Variants in ZNF512B observed in about 807,000 individuals in gnomAD.
ZNF512B encodes zinc finger protein 512B.
A neutral mutation model predicts 87.8 loss-of-function variants in ZNF512B; 22 were observed. The observed-to-expected ratio is 0.25, with a 90% CI of 0.18 to 0.36. The LOEUF is 0.36. ZNF512B is among the 10% of genes least tolerant of loss of function. The pLI, the probability that ZNF512B is intolerant of heterozygous loss-of-function variation, is 1.00. For missense variants in ZNF512B, 1,060 were observed against 1,231.6 expected (o/e 0.86, Z 2.09); for synonymous variants, 524 against 490.9 (o/e 1.07, Z -0.89).
chr20:63,960,309 A>G (rs1049719982), intron 16 of ZNF512B, among the ~76,000 whole-genome samples, 170 bp from the exon 17 acceptor site: 1 of 150,690 alleles, frequency 6.6e-6, no homozygotes, highest in African/African-American at 2.5e-5. Context: ...GGGGCTGAAC[A>G]CAGCCTTCGG....
chr20:63,962,163 G>T, intron 14 of ZNF512B, 110 bp downstream of exon 14: 1 of 1,331,936 alleles, frequency 7.5e-7, no homozygotes, highest in Non-Finnish European at 1.0e-6. Context: ...CCTGGGGTGG[G>T]CTTGGGCACC....
At position 63,967,893 on chromosome 20, in the gene ZNF512B, G is replaced by T. The variant is rs755043451; in HGVS notation, c.58C>A (p.Pro20Thr). ...TCCTTTCGGCTGCCATCCTTCCCGGGACCACTCTTGCTGGACCCCGGGAGC... is the reference window on the plus strand; with the variant it reads ...TCCTTTCGGCTGCCATCCTTCCCGGTACCACTCTTGCTGGACCCCGGGAGC... ...RRLPGSSKSGPGKDGSRKEVR... is the reference protein window; with the variant it reads ...RRLPGSSKSGTGKDGSRKEVR... Residue 20 changes from proline to threonine, a missense_variant, in exon 2 of 17, where the codon CCC becomes ACC. Pro to Thr is a conservative substitution (Grantham distance 38). Transcript: ENST00000369888. The T allele has an allele frequency of 6.2e-7, 1 of 1,613,198 alleles. No homozygotes were observed. The highest frequency in any genetic ancestry group is 1.1e-5 in the South Asian group (1 of 91,078).
chr20:63,964,895 G>A (rs1222144371), intron 5 of ZNF512B, among the ~76,000 whole-genome samples, 179 bp from the exon 6 acceptor site: 1 of 70,992 alleles, frequency 1.4e-5, no homozygotes, highest in African/African-American at 8.3e-5. Context: ...GACCTGGGAC[G>A]AGCCCCCATA....
At chr20:63,967,973 C>G in intron 1 of ZNF512B, 21 bp from the exon 2 acceptor site, 2 of 1,589,472 alleles carry the variant, frequency 1.3e-6, no homozygotes, top group Non-Finnish European at 1.7e-6. Context: ...AGTAGACAAT[C>G]TGTGAAGCCT....
chr20:63,962,732 C>G lies in ZNF512B; in HGVS notation c.2018G>C (p.Gly673Ala). Residue 673 changes from glycine to alanine, a missense_variant, in exon 13 of 17, where the codon GGT becomes GCT. Transcript: ENST00000369888. ...DKSPEAEDPL[G>A]VERTPSGRVR... The stretch of plus-strand genomic sequence containing the variant: ...ACGCCCGCTTGGGGTCCGCTCCACA[C>G]CCAGCGGGTCCTCAGCCTCAGGGGA... The G allele has an allele frequency of 6.2e-7, 1 of 1,603,042 alleles. No individual in the cohort carries two copies. The highest frequency in any genetic ancestry group is 8.5e-7 in the Non-Finnish European group (1 of 1,176,116).
chr20:63,959,533 C>T lies in ZNF512B; in HGVS notation c.*355G>A, dbSNP rs924540396. 3 of 281,010 alleles carry T rather than the reference C, an allele frequency of 1.1e-5. No individual in the cohort carries two copies. The highest frequency in any genetic ancestry group is 2.3e-4 in the South Asian group (2 of 8,666). The allele number at this position is 281,010 out of a possible 1,614,324, so 17.4% of individuals were successfully genotyped here. ...CCTTGGGGTAGCCAGGGAAGGGACC[C>T]GGCAGGGCCTGAGGAAGCGGAGCCG... is the stretch of plus-strand genomic sequence containing the variant. On this transcript the variant is annotated 3_prime_UTR_variant, in exon 17 of 17. Coordinates refer to ENST00000369888, the MANE Select transcript of ZNF512B (RefSeq NM_020713.3).
rs965433520 is a variant in ZNF512B at position 63,967,910 on chromosome 20, C to G, written c.41G>C (p.Gly14Ala). 1 of 1,612,614 alleles carries G rather than the reference C, an allele frequency of 6.2e-7. No individual in the cohort carries two copies. The highest frequency in any genetic ancestry group is 1.1e-5 in the South Asian group (1 of 91,078). ...PFCVGGRRLP[G>A]SSKSGPGKDG... ...CTTCCCGGGACCACTCTTGCTGGAC[C>G]CCGGGAGCCGACGGCCTCCAACGCA... The change falls in exon 2 of 17, where the codon GGG (glycine) becomes GCG (alanine). Residue 14 changes from glycine (G) to alanine (A), a missense_variant. Coordinates refer to ENST00000369888, the MANE Select transcript of ZNF512B (RefSeq NM_020713.3).
At chr20:63,968,360 C>T (rs569945251) in intron 1 of ZNF512B, among the ~76,000 whole-genome samples, 2 of 152,300 alleles carry the variant, frequency 1.3e-5, no homozygotes, top group East Asian at 1.9e-4. Context: ...AGGTGCCTTG[C>T]GCAGGAGGAA....
rs540039560 is a variant in ZNF512B, at chr20:63,966,155, G to T, written c.1020C>A (p.Asn340Lys). The change falls in exon 5 of 17, where the codon AAC (asparagine) becomes AAA (lysine). Residue 340 changes from asparagine to lysine, a missense_variant. By Grantham distance (94) the Asn-to-Lys change is moderately conservative. This residue lies in a region of ZNF512B where 12 missense variants were observed against 32.0 expected (regional missense o/e 0.38). Transcript: ENST00000369888. Reference sequence around the variant, plus strand: ...AGCCCCCATACCTTTTCTTACCACTGTTCCTCCCTGTGGCACGAGGTGCTT... The same window carrying T: ...AGCCCCCATACCTTTTCTTACCACTTTTCCTCCCTGTGGCACGAGGTGCTT... ...ENKAPRATGR[N>K]SGKKRAADSL... 1 of 1,602,320 alleles carries T rather than the reference G, an allele frequency of 6.2e-7. No individual in the cohort carries two copies. The highest frequency in any genetic ancestry group is 1.1e-5 in the South Asian group (1 of 90,534).
At chr20:63,962,810 A>G in intron 12 of ZNF512B, 29 bp from the exon 13 acceptor site, 1 of 1,561,676 alleles carries the variant, frequency 6.4e-7, no homozygotes, top group South Asian at 1.2e-5. Context: ...TGGAGGCTAG[A>G]GTGAGCCGCG....
rs1349591579 is a variant in ZNF512B, at chr20:63,966,304, T to G, written c.871A>C (p.Thr291Pro). ...GGCCTGCTGACTGTCACTGGCTTGG[T>G]GACCGGCACGGGTTTCGTAACTGTC... ...LVTVTKPVPV[T>P]KPVTVSRPIV... The change falls in exon 5 of 17, where the codon ACC (threonine) becomes CCC (proline). Residue 291 changes from threonine (T) to proline (P), a missense_variant. Thr to Pro is a conservative substitution (Grantham distance 38, BLOSUM62 -1). Transcript: ENST00000369888. The G allele has an allele frequency of 6.3e-7, 1 of 1,594,294 alleles. No individual in the cohort carries two copies. Among genetic ancestry groups the G allele is most frequent in the Non-Finnish European group, 8.6e-7 (1 of 1,166,268 alleles).
Position 63,960,098 on chromosome 20 carries a change from C to T in ZNF512B, c.2469G>A (p.Arg823=), listed in dbSNP as rs1379210283. The T allele has an allele frequency of 6.2e-6, 10 of 1,613,826 alleles. No homozygotes were observed. The highest frequency in any genetic ancestry group is 1.3e-5 in the African/African-American group (1 of 74,942). The change falls in exon 17 of 17, where the codon AGG becomes AGA. Residue 823 remains arginine, a synonymous_variant. Transcript: ENST00000369888. ...RTSADPPPKH[R]SQDSLVPKKE... ...TCTTGGGCACCAATGAGTCCTGGCT[C>T]CTGTGTTTGGGAGGTGGGTCTGCTG...
At position 63,958,564 on chromosome 20, in the gene ZNF512B, C is replaced by G. The variant is rs149841514; in HGVS notation, c.*1324G>C. On this transcript the variant is annotated 3_prime_UTR_variant, in exon 17 of 17. Transcript: ENST00000369888. ...AAATGGCCTCCCTCCAAACCTACCC[C>G]CTCTGAGCCTCATCCTCCCTGCAAT... The G allele has an allele frequency of 1.3e-5, 2 of 152,228 alleles. No individual in the cohort carries two copies. Among genetic ancestry groups the G allele is most frequent in the African/African-American group, 2.4e-5 (1 of 41,506 alleles). The allele number at this position is 152,228 out of a possible 1,614,324, so 9.4% of individuals were successfully genotyped here.
rs1243675560 is a variant in ZNF512B, at chr20:63,961,907, G to C, written c.2328+35C>G. The C allele has an allele frequency of 1.6e-5, 25 of 1,549,484 alleles. No individual in the cohort carries two copies. The highest frequency in any genetic ancestry group is 2.0e-5 in the Non-Finnish European group (23 of 1,145,786). On this transcript the variant is annotated intron_variant, in intron 15 of 16. Coordinates refer to ENST00000369888, the MANE Select transcript of ZNF512B (RefSeq NM_020713.3). This position sits in a 1 kb window ranked among gnomAD's most constrained non-coding sequence, Gnocchi z 6.4. ...GGGTGAGCTGGGAGCTCTGAGTGCA[G>C]CGCACCTGGCCGTGGGGCAGGCCCC...
In ZNF512B at chr20:63,961,083, G is replaced by A. The variant is rs770870780; in HGVS notation, c.2427+226C>T. On this transcript the variant is annotated intron_variant, in intron 16 of 16. Transcript: ENST00000369888. This position sits in a 1 kb window ranked among gnomAD's most constrained non-coding sequence, Gnocchi z 6.4. ...CAGGGCTGCTGGGGGCTGGAAAGGC[G>A]GACACCCCGAGGGCAGCTCCAGCTC... Among the ~76,000 whole-genome samples, 5 of 152,166 alleles carry A rather than the reference G, an allele frequency of 3.3e-5. No homozygotes were observed. The highest frequency in any genetic ancestry group is 4.4e-5 in the Non-Finnish European group (3 of 67,992).
chr20:63,961,820 G>T lies in ZNF512B; in HGVS notation c.2328+122C>A. The T allele has an allele frequency of 9.7e-7, 1 of 1,030,652 alleles. No homozygotes were observed. Among genetic ancestry groups the T allele is most frequent in the Non-Finnish European group, 1.4e-6 (1 of 693,314 alleles). The allele number at this position is 1,030,652 out of a possible 1,614,324, so 63.8% of individuals were successfully genotyped here. A position where few individuals can be genotyped will look rare whatever the true frequency, so the allele number is the denominator to read the frequency against. ...AGTCTCTGGGTTCGTGGAAGAGGAG[G>T]CCACGTAGAAAAAGTAGGGGACAAG... On this transcript the variant is annotated intron_variant, in intron 15 of 16. Transcript: ENST00000369888. The surrounding 1 kb of genome is among the most constrained non-coding windows in gnomAD (Gnocchi z 6.4).
In ZNF512B at chr20:63,959,904, T is replaced by C. The variant is rs760765400; in HGVS notation, c.2663A>G (p.Lys888Arg). Residue 888 changes from lysine (K) to arginine (R), a missense_variant, in exon 17 of 17, where the codon AAG becomes AGG. This residue lies in a region of ZNF512B where 253 missense variants were observed against 259.2 expected (regional missense o/e 0.98). Transcript: ENST00000369888. ...GSTGRKVGVS[K>R]APEK ...GCACCATGCTCACTTTTCAGGCGCCTTGCTGACTCCCACCTTCCGGCCGGT... is the reference window on the plus strand; with the variant it reads ...GCACCATGCTCACTTTTCAGGCGCCCTGCTGACTCCCACCTTCCGGCCGGT... The C allele has an allele frequency of 2.2e-5, 35 of 1,594,556 alleles. No individual in the cohort carries two copies. Among genetic ancestry groups the C allele is most frequent in the Admixed American group, 3.5e-5 (2 of 57,714 alleles).
chr20:63,964,384 T>G lies in ZNF512B; in HGVS notation c.1269A>C (p.Lys423Asn). The G allele has an allele frequency of 6.2e-7, 1 of 1,613,810 alleles. No homozygotes were observed. The highest frequency in any genetic ancestry group is 8.5e-7 in the Non-Finnish European group (1 of 1,179,894). ...EDPERTKHRRKQKTPKKFTGE... is the reference protein window; with the variant it reads ...EDPERTKHRRNQKTPKKFTGE... ...CTGTAAACTTTTTGGGTGTTTTCTG[T>G]TTCCTTCCTGACTCGGGGAGAGAAA... The change falls in exon 7 of 17, where the codon AAA (lysine) becomes AAC (asparagine). Residue 423 changes from lysine (K) to asparagine (N), a missense_variant. Coordinates refer to ENST00000369888, the MANE Select transcript of ZNF512B (RefSeq NM_020713.3).
At chr20:63,967,752 C>A in intron 2 of ZNF512B, 78 bp downstream of exon 2, 1 of 1,560,680 alleles carries the variant, frequency 6.4e-7, no homozygotes, top group Admixed American at 1.7e-5. Flanking sequence ...GGAGACAGGA[C>A]GCCCAGGGCA....
Sources: allele counts gnomAD v4.1 joint callset (sites outside exome capture counted in the v4.1 genomes callset), GRCh38; gene constraint gnomAD v4.1.1; regional missense constraint gnomAD v4.1.1; non-coding constraint Gnocchi (gnomAD v3.1); transcripts MANE v1.5; gene names NCBI Gene and HGNC (gene_info 2026-07-23, HGNC 2026-07-21).